Variants in PTPRJ observed in about 807,000 individuals in gnomAD.
PTPRJ encodes the protein receptor-type tyrosine-protein phosphatase eta.
In PTPRJ, 129 loss-of-function variants were observed where a neutral mutation model predicts 141.3. That is an observed-to-expected ratio of 0.91 (90% CI 0.79 to 1.06). The LOEUF (loss-of-function observed/expected upper bound fraction) is 1.06, where lower values mean the gene tolerates loss of function less well. Ranked by LOEUF, PTPRJ falls within the 50% of genes least tolerant of loss-of-function variation. The pLI is 0.00. For synonymous variants in PTPRJ, 610 were observed against 640.5 expected (o/e 0.95, Z 0.72); for missense variants, 1,601 against 1,679.7 (o/e 0.95, Z 0.82).
At chr11:48,166,506 G>A (rs1857920821) in intron 24 of PTPRJ, among the ~76,000 whole-genome samples, 1 of 151,950 alleles carries the variant, frequency 6.6e-6, no homozygotes, top group Admixed American at 6.6e-5. Context: ...TAGAGACGGG[G>A]TTTCACCATG....
At chr11:48,005,231 A>G (rs947532740) in intron 1 of PTPRJ, among the ~76,000 whole-genome samples, 1 of 152,148 alleles carries the variant, frequency 6.6e-6, no homozygotes, top group South Asian at 2.1e-4. Flanking sequence ...TAAAAAAAAA[A>G]AAAGCATACA....
At chr11:48,070,554 A>G (rs1445256957) in intron 1 of PTPRJ, among the ~76,000 whole-genome samples, 1 of 151,568 alleles carries the variant, frequency 6.6e-6, no homozygotes, top group East Asian at 1.9e-4. Context: ...TCAGTAGATC[A>G]GTAGATTTAG....
At chr11:48,035,505 G>A (rs915113948) in intron 1 of PTPRJ, among the ~76,000 whole-genome samples, 7 of 131,338 alleles carry the variant, frequency 5.3e-5, no homozygotes, top group Admixed American at 5.3e-4. Context: ...AAAGGAAATT[G>A]TGGTTTCTTT....
intron 22 of PTPRJ, among the ~76,000 whole-genome samples, chr11:48,160,994 C>T (rs988590308): frequency 6.6e-6 from 1 of 151,712 alleles, no homozygotes; most frequent in African/African-American, 2.4e-5. Context: ...TGAAACTCCA[C>T]CTCTACAAAA....
chr11:48,047,649 C>A (rs751451153), intron 1 of PTPRJ, among the ~76,000 whole-genome samples: 2 of 152,032 alleles, frequency 1.3e-5, no homozygotes, highest in Non-Finnish European at 1.5e-5. Flanking sequence ...ACGACAGGCG[C>A]GTGCCACCAT....
intron 12 of PTPRJ, among the ~76,000 whole-genome samples, chr11:48,143,886 C>A (rs1190003911): frequency 6.7e-6 from 1 of 148,836 alleles, no homozygotes; most frequent in South Asian, 2.2e-4. Context: ...CTTCCCCTTC[C>A]CTCTTTCTTT....
At chr11:48,147,534 C>A (rs1857381296) in intron 15 of PTPRJ, among the ~76,000 whole-genome samples, 1 of 152,198 alleles carries the variant, frequency 6.6e-6, no homozygotes, top group African/African-American at 2.4e-5. Context: ...TCTGTGCTTT[C>A]TGTGAATTAT....
At chr11:48,166,619 C>A (rs1857924238) in intron 24 of PTPRJ, among the ~76,000 whole-genome samples, 1 of 152,100 alleles carries the variant, frequency 6.6e-6, no homozygotes, top group Non-Finnish European at 1.5e-5. Context: ...CTGGCCAGAT[C>A]CTGTTTTATG....
intron 1 of PTPRJ, among the ~76,000 whole-genome samples, chr11:48,043,161 T>G (rs1433000925): frequency 1.3e-5 from 2 of 152,220 alleles, no homozygotes; most frequent in Non-Finnish European, 1.5e-5. Context: ...TGTTGAACTT[T>G]CTCTTTTAGC....
chr11:48,045,222 C>T (rs761060056), intron 1 of PTPRJ, among the ~76,000 whole-genome samples: 21 of 152,194 alleles, frequency 1.4e-4, no homozygotes, highest in Non-Finnish European at 2.5e-4. Context: ...TTTATTTTAT[C>T]TCCTCACTGG....
chr11:48,105,687 C>T (rs1011376727), intron 1 of PTPRJ, among the ~76,000 whole-genome samples: 3 of 152,176 alleles, frequency 2.0e-5, no homozygotes, highest in African/African-American at 7.2e-5. Context: ...CCACACCTGT[C>T]AGGCTGACGG....
At chr11:48,038,844 C>CT (rs1366960061) in intron 1 of PTPRJ, among the ~76,000 whole-genome samples, 1 of 138,742 alleles carries the variant, frequency 7.2e-6, no homozygotes, top group African/African-American at 2.9e-5. Flanking sequence ...TCACTTTACT[C>CT]TAAAAAAAAA....
At chr11:48,050,147 T>C (rs1389045068) in intron 1 of PTPRJ, among the ~76,000 whole-genome samples, 1 of 152,226 alleles carries the variant, frequency 6.6e-6, no homozygotes, top group South Asian at 2.1e-4. Flanking sequence ...TGAGAATGCG[T>C]GTTTTGTGGT....
At chr11:48,035,973 A>G (rs1318480456) in intron 1 of PTPRJ, among the ~76,000 whole-genome samples, 1 of 152,200 alleles carries the variant, frequency 6.6e-6, no homozygotes, top group Non-Finnish European at 1.5e-5. Context: ...GGGGTTGGGA[A>G]ACACAGGACC....
chr11:48,066,318 CTTTCCACTTG>C (rs138677510), intron 1 of PTPRJ, among the ~76,000 whole-genome samples: 3,041 of 152,264 alleles, frequency 0.02, 47 homozygotes, highest in South Asian at 0.059. Context: ...TCCTCGAAGA[CTTTCCACTTG>C]GAAAGCTTGT....
At position 48,130,628 on chromosome 11, in the gene PTPRJ, G is replaced by C. The variant is rs1305394073; in HGVS notation, c.1527G>C (p.Leu509Phe). The change falls in exon 8 of 25, where the codon TTG (leucine) becomes TTC (phenylalanine). Residue 509 changes from leucine to phenylalanine, a missense_variant. Transcript: ENST00000418331. The stretch of plus-strand genomic sequence containing the variant: ...ACCAAAGTATTATCATTGGTGGCTT[G>C]TTCCCTGGAACCAAGTATTGCTTTG... ...TTNQSIIIGGLFPGTKYCFEI... is the reference protein window; with the variant it reads ...TTNQSIIIGGFFPGTKYCFEI... 4.3e-6 allele frequency: 7 copies of C among 1,613,932 alleles called. No individual in the cohort carries two copies. In the Admixed American group the frequency reaches 6.7e-5, roughly 15 times the overall value.
At chr11:48,089,250 C>T (rs1855796967) in intron 1 of PTPRJ, among the ~76,000 whole-genome samples, 1 of 152,160 alleles carries the variant, frequency 6.6e-6, no homozygotes, top group Admixed American at 6.5e-5. Flanking sequence ...GGAGCGGTGG[C>T]TCACGCCTAT....
At chr11:48,023,044 G>A (rs1488172129) in intron 1 of PTPRJ, among the ~76,000 whole-genome samples, 1 of 152,110 alleles carries the variant, frequency 6.6e-6, no homozygotes, top group Admixed American at 6.5e-5. Flanking sequence ...AATGGTATGG[G>A]CTGATTTACT....
intron 1 of PTPRJ, 104 bp downstream of exon 1, chr11:47,981,112 G>A (rs1249149488): frequency 8.1e-6 from 9 of 1,108,422 alleles, no homozygotes. Flanking sequence ...GGGGAAGGGG[G>A]CGGGGGTCCG....
Sources: allele counts gnomAD v4.1 joint callset (sites outside exome capture counted in the v4.1 genomes callset), GRCh38; gene constraint gnomAD v4.1.1; transcripts MANE v1.5; gene names NCBI Gene and HGNC (gene_info 2026-07-23, HGNC 2026-07-21).